MIGA1: variants seen among roughly 807,000 people sequenced by gnomAD.
MIGA1 encodes family with sequence similarity 73, member A.
In MIGA1, 58 loss-of-function variants were observed where a neutral mutation model predicts 82.0. That is an observed-to-expected ratio of 0.71 (90% CI 0.57 to 0.88). The LOEUF (loss-of-function observed/expected upper bound fraction) is 0.88, where lower values mean the gene tolerates loss of function less well. MIGA1 is among the 40% of genes least tolerant of loss of function. The pLI is 0.00. For missense variants in MIGA1, 751 were observed against 749.1 expected (o/e 1.00, Z -0.03); for synonymous variants, 249 against 253.6 (o/e 0.98, Z 0.17).
chr1:77,861,107 G>A, intron 11 of MIGA1, 117 bp from the exon 12 acceptor site: 1 of 643,318 alleles, frequency 1.6e-6, no homozygotes, highest in Non-Finnish European at 2.6e-6. Context: ...CCTTTAAAAT[G>A]TATTTTAGTT....
intron 11 of MIGA1, chr1:77,860,439 G>A (rs556016415): frequency 4.2e-5 from 9 of 215,444 alleles, no homozygotes; most frequent in Admixed American, 5.7e-5. Flanking sequence ...ATCCTGTTCA[G>A]GAAGAGGGTT....
chr1:77,844,725 C>T (rs2101894876), intron 8 of MIGA1, among the ~76,000 whole-genome samples: 1 of 152,168 alleles, frequency 6.6e-6, no homozygotes, highest in Non-Finnish European at 1.5e-5. Flanking sequence ...TTCCTGTTAT[C>T]CCAGAACTTT....
At chr1:77,790,689 C>T (rs1682379803) in intron 2 of MIGA1, among the ~76,000 whole-genome samples, 2 of 150,586 alleles carry the variant, frequency 1.3e-5, no homozygotes, top group South Asian at 2.1e-4. Context: ...CAGGTTCAAG[C>T]GATTCTCCTG....
intron 1 of MIGA1, among the ~76,000 whole-genome samples, chr1:77,781,119 G>C (rs1489317649): frequency 6.6e-6 from 1 of 151,934 alleles, no homozygotes; most frequent in East Asian, 1.9e-4. Context: ...ATATTGGCCA[G>C]GCTGGTCTTG....
Position 77,806,336 on chromosome 1 carries a change from G to A in MIGA1, c.511-639G>A, listed in dbSNP as rs1333693448. ...GGGTTGACTGTTGTATATGTGGTCC[G>A]TCGTTGACCCAGATGTTGTTATGTC... On this transcript the variant is annotated intron_variant, in intron 4 of 15. Transcript: ENST00000370791. Among the ~76,000 whole-genome samples the A allele has an allele frequency of 7.2e-5, 11 of 152,154 alleles. 1 individual carries two copies. In the South Asian group the frequency reaches 1.7e-3, roughly 23 times the overall value.
chr1:77,869,528 A>G (rs1441496473), intron 14 of MIGA1, among the ~76,000 whole-genome samples: 6 of 118,612 alleles, frequency 5.1e-5, no homozygotes, highest in South Asian at 6.4e-4. Flanking sequence ...GCCGGGCAGA[A>G]GCGCCCCTCA....
At chr1:77,874,020 C>G (rs1348170307) in intron 15 of MIGA1, among the ~76,000 whole-genome samples, 11 of 152,130 alleles carry the variant, frequency 7.2e-5, no homozygotes, top group Admixed American at 7.2e-4. Flanking sequence ...GGGAGCCTAA[C>G]AGGTTGATCG....
At chr1:77,848,131 C>T in intron 8 of MIGA1, 2 of 1,348,788 alleles carry the variant, frequency 1.5e-6, no homozygotes, top group East Asian at 4.6e-5. Flanking sequence ...AACCATTACA[C>T]TGACCGTGAT....
chr1:77,794,689 C>T (rs1321874703), intron 2 of MIGA1, among the ~76,000 whole-genome samples: 2 of 152,190 alleles, frequency 1.3e-5, no homozygotes, highest in Non-Finnish European at 2.9e-5. Flanking sequence ...GTAGTCCCAG[C>T]TACTCTGGAG....
In MIGA1 at chr1:77,874,867, A is replaced by G. The variant is rs764857700; in HGVS notation, c.1702A>G (p.Lys568Glu). 12 of 1,613,812 alleles carry G rather than the reference A, an allele frequency of 7.4e-6. No homozygotes were observed. Among genetic ancestry groups the G allele is most frequent in the Non-Finnish European group, 9.3e-6 (11 of 1,179,850 alleles). The change falls in exon 16 of 16, where the codon AAA becomes GAA. Residue 568 changes from lysine (K) to glutamate (E), a missense_variant. By Grantham distance (56) the Lys-to-Glu change is moderately conservative. This residue lies in a region of MIGA1 where 265 missense variants were observed against 293.6 expected (regional missense o/e 0.90). Coordinates refer to ENST00000370791, the MANE Select transcript of MIGA1 (RefSeq NM_198549.4). ...CCAGAATCAAGTTCTTTTATTTCTC[A>G]AAGACATTTTTGACTTTGAGAAGGT...
At chr1:77,847,223 C>A (rs1684877076) in intron 8 of MIGA1, 1 of 1,142,496 alleles carries the variant, frequency 8.8e-7, no homozygotes, top group Non-Finnish European at 1.3e-6. Flanking sequence ...GATGATGAGA[C>A]CTCCATGAGT....
In MIGA1 at chr1:77,830,695, A is replaced by G. The variant is rs1684211523; in HGVS notation, c.896-12612A>G. 2.0e-5 allele frequency among the ~76,000 whole-genome samples: 3 copies of G among 152,198 alleles called. No homozygotes were observed. The South Asian group carries it at 6.2e-4, about 31-fold the overall frequency. On this transcript the variant is annotated intron_variant, in intron 7 of 15. Transcript: ENST00000370791. ...AGGACCATAAGTCAGCTGGCCCACTATACAGAATCAAAGACTATATTTCCC... is the reference window on the plus strand; with the variant it reads ...AGGACCATAAGTCAGCTGGCCCACTGTACAGAATCAAAGACTATATTTCCC...
At chr1:77,834,091 T>C (rs1684340269) in intron 7 of MIGA1, among the ~76,000 whole-genome samples, 1 of 152,284 alleles carries the variant, frequency 6.6e-6, no homozygotes, top group Non-Finnish European at 1.5e-5. Context: ...GGTGAAACTT[T>C]ATACGTCATC....
At chr1:77,864,350 C>A (rs1415895241) in intron 13 of MIGA1, among the ~76,000 whole-genome samples, 1 of 149,790 alleles carries the variant, frequency 6.7e-6, no homozygotes, top group Non-Finnish European at 1.5e-5. Flanking sequence ...GCAACAAAAG[C>A]AAAACTCCGT....
intron 9 of MIGA1, 106 bp downstream of exon 9, chr1:77,859,162 G>A: frequency 1.0e-6 from 1 of 1,003,508 alleles, no homozygotes; most frequent in South Asian, 1.4e-5. Context: ...TTAGGTCCAA[G>A]TAAAGAAAAA....
At chr1:77,813,532 G>A (rs948704582) in intron 5 of MIGA1, among the ~76,000 whole-genome samples, 1 of 152,100 alleles carries the variant, frequency 6.6e-6, no homozygotes, top group African/African-American at 2.4e-5. Context: ...TGGCCATTTT[G>A]TCTCTGATTT....
intron 7 of MIGA1, among the ~76,000 whole-genome samples, chr1:77,823,953 G>A (rs552719619): frequency 1.2e-4 from 19 of 152,146 alleles, no homozygotes; most frequent in East Asian, 1.9e-4. Context: ...TTGTTTATAC[G>A]CATGGGAACT....
At chr1:77,780,293 T>A in intron 1 of MIGA1, 1 of 431,818 alleles carries the variant, frequency 2.3e-6, no homozygotes, top group Non-Finnish European at 3.1e-6. Flanking sequence ...TGCAGGTGCT[T>A]TAAGAGAATA....
chr1:77,829,615 C>T (rs1170830634), intron 7 of MIGA1, among the ~76,000 whole-genome samples: 3 of 151,772 alleles, frequency 2.0e-5, no homozygotes, highest in African/African-American at 7.3e-5. Flanking sequence ...AGTACAGGCA[C>T]CTGCCACCAC....
Sources: gnomAD v4.1 joint callset for allele counts (sites outside exome capture counted in the v4.1 genomes callset) on GRCh38, gnomAD v4.1.1 for gene constraint, gnomAD v4.1.1 regional missense constraint, MANE v1.5 for transcripts, NCBI Gene and HGNC (gene_info 2026-07-23, HGNC 2026-07-21) for gene names.